ARHGEF26: variants seen among roughly 807,000 people sequenced by gnomAD.
ARHGEF26 encodes the protein Rho guanine nucleotide exchange factor 26.
A neutral mutation model predicts 89.4 loss-of-function variants in ARHGEF26; 59 were observed. That is an observed-to-expected ratio of 0.66 (90% CI 0.54 to 0.82). The LOEUF (loss-of-function observed/expected upper bound fraction) is 0.82, where lower values mean the gene tolerates loss of function less well. Among genes scored for constraint, ARHGEF26 ranks in the 40% least tolerant of loss-of-function variants. The pLI is 0.00. For missense variants in ARHGEF26, 1,234 were observed against 1,085.6 expected (o/e 1.14, Z -1.92); for synonymous variants, 500 against 428.4 (o/e 1.17, Z -2.06).
chr3:154,146,594 A>G (rs577700137), intron 4 of ARHGEF26, among the ~76,000 whole-genome samples: 3 of 152,236 alleles, frequency 2.0e-5, no homozygotes, highest in African/African-American at 7.2e-5. Context: ...CATGCAAAAT[A>G]TATCAGTTAT....
intron 9 of ARHGEF26, among the ~76,000 whole-genome samples, chr3:154,215,080 C>T (rs779664594): frequency 1.2e-4 from 19 of 152,160 alleles, no homozygotes; most frequent in Non-Finnish European, 2.6e-4. Context: ...ATGCTGGTGA[C>T]TTTCTTTTTG....
chr3:154,170,951 C>A (rs569249904), intron 6 of ARHGEF26, among the ~76,000 whole-genome samples: 2 of 152,234 alleles, frequency 1.3e-5, no homozygotes, highest in East Asian at 3.9e-4. Flanking sequence ...CGATTGATTT[C>A]TTTTTCTTCT....
At chr3:154,190,384 C>A (rs570793147) in intron 7 of ARHGEF26, among the ~76,000 whole-genome samples, 1 of 152,260 alleles carries the variant, frequency 6.6e-6, no homozygotes, top group African/African-American at 2.4e-5. Flanking sequence ...TGGCACACAC[C>A]TGTAATCCCA....
At chr3:154,234,358 C>T (rs185743264) in intron 11 of ARHGEF26, among the ~76,000 whole-genome samples, 1 of 152,234 alleles carries the variant, frequency 6.6e-6, no homozygotes, top group South Asian at 2.1e-4. Flanking sequence ...AAGATGAGAA[C>T]TTGCCCTAAG....
chr3:154,153,396 A>C (rs1327907028), intron 6 of ARHGEF26, among the ~76,000 whole-genome samples: 1 of 152,116 alleles, frequency 6.6e-6, no homozygotes, highest in African/African-American at 2.4e-5. Flanking sequence ...ACTTTTATAC[A>C]TTCAAAACTT....
intron 4 of ARHGEF26, among the ~76,000 whole-genome samples, chr3:154,138,889 C>T (rs1366985404): frequency 1.3e-5 from 2 of 152,100 alleles, no homozygotes; most frequent in East Asian, 1.9e-4. Flanking sequence ...ACCTGAATGG[C>T]GAGACAGATG....
intron 12 of ARHGEF26, among the ~76,000 whole-genome samples, chr3:154,247,053 A>G (rs1022764434): frequency 1.3e-5 from 2 of 152,024 alleles, no homozygotes; most frequent in Admixed American, 6.5e-5. Context: ...CAGCAGTCCA[A>G]TCTTCCTTTC....
intron 9 of ARHGEF26, among the ~76,000 whole-genome samples, chr3:154,200,667 TTTTAA>T (rs1156930281): frequency 6.6e-6 from 1 of 151,544 alleles, no homozygotes; most frequent in Non-Finnish European, 1.5e-5. Flanking sequence ...TTTTTAATAA[TTTTAA>T]TTTAATAATT....
intron 4 of ARHGEF26, among the ~76,000 whole-genome samples, chr3:154,146,979 G>T (rs900786549): frequency 2.0e-5 from 3 of 152,172 alleles, no homozygotes; most frequent in Non-Finnish European, 4.4e-5. Flanking sequence ...ATTTAAATAA[G>T]AAATTTAAAC....
intron 12 of ARHGEF26, among the ~76,000 whole-genome samples, chr3:154,249,045 T>G (rs1717959366): frequency 6.6e-6 from 1 of 152,228 alleles, no homozygotes; most frequent in Non-Finnish European, 1.5e-5. Flanking sequence ...GGTAAATGTG[T>G]AGGCTGTAAA....
intron 8 of ARHGEF26, among the ~76,000 whole-genome samples, chr3:154,193,315 G>A (rs1221807295): frequency 6.6e-6 from 1 of 152,172 alleles, no homozygotes; most frequent in African/African-American, 2.4e-5. Flanking sequence ...GTGTGCATGT[G>A]TGCTGGTTGC....
intron 11 of ARHGEF26, among the ~76,000 whole-genome samples, chr3:154,232,125 A>G (rs1488204853): frequency 6.6e-6 from 1 of 152,064 alleles, no homozygotes; most frequent in Non-Finnish European, 1.5e-5. Flanking sequence ...TCCCAGGGAG[A>G]GAGCTTCAGA....
chr3:154,234,863 T>C (rs1476346140), intron 11 of ARHGEF26, among the ~76,000 whole-genome samples: 1 of 152,160 alleles, frequency 6.6e-6, no homozygotes, highest in Non-Finnish European at 1.5e-5. Flanking sequence ...CCTCTCAGGT[T>C]CACGCCATTC....
rs1404709576 is a variant in ARHGEF26, at chr3:154,122,181, G to T, written c.189G>T (p.Gln63His). ...VEDGGTLLAAQIPAQVPTASD... is the reference protein window; with the variant it reads ...VEDGGTLLAAHIPAQVPTASD... ...ACGGAGGGACGCTCCTCGCAGCGCA[G>T]ATTCCCGCCCAGGTGCCCACCGCCT... The change falls in exon 2 of 15, where the codon CAG becomes CAT. Residue 63 changes from glutamine to histidine, a missense_variant. Physicochemically the swap from Gln to His is conservative, Grantham distance 24. Coordinates refer to ENST00000465093, the MANE Select transcript of ARHGEF26 (RefSeq NM_015595.4). 5 of 1,600,240 alleles carry T rather than the reference G, an allele frequency of 3.1e-6. 1 individual carries two copies. The African/African-American group carries it at 6.7e-5, about 21-fold the overall frequency.
chr3:154,231,799 A>C (rs1259307589), intron 11 of ARHGEF26, among the ~76,000 whole-genome samples: 1 of 152,088 alleles, frequency 6.6e-6, no homozygotes. Context: ...TTCCCTCCTC[A>C]TGAAACCCAT....
chr3:154,156,015 G>T (rs545552815), intron 6 of ARHGEF26, among the ~76,000 whole-genome samples: 45 of 152,000 alleles, frequency 3.0e-4, no homozygotes, highest in Non-Finnish European at 6.0e-4. Flanking sequence ...TTATTTGAAA[G>T]GTAATTTATC....
chr3:154,148,126 A>G (rs1719806094), intron 4 of ARHGEF26, among the ~76,000 whole-genome samples: 1 of 152,186 alleles, frequency 6.6e-6, no homozygotes, highest in Admixed American at 6.5e-5. Context: ...GTTCTGTTAC[A>G]GGCCGTGGAA....
chr3:154,226,724 A>AC (rs1230874696), intron 11 of ARHGEF26, among the ~76,000 whole-genome samples: 1 of 150,846 alleles, frequency 6.6e-6, no homozygotes, highest in African/African-American at 2.4e-5. Flanking sequence ...TCTCTAGGGA[A>AC]CATACTTTAT....
At chr3:154,252,222 G>C (rs950841123) in intron 12 of ARHGEF26, among the ~76,000 whole-genome samples, 40 of 152,136 alleles carry the variant, frequency 2.6e-4, no homozygotes, top group African/African-American at 9.4e-4. Context: ...ACTTTGGTTT[G>C]AATTGCTTGC....
Sources: gnomAD v4.1 joint callset for allele counts (sites outside exome capture counted in the v4.1 genomes callset) on GRCh38, gnomAD v4.1.1 for gene constraint, MANE v1.5 for transcripts, NCBI Gene and HGNC (gene_info 2026-07-23, HGNC 2026-07-21) for gene names.